Variants in SRGAP2 observed in about 807,000 individuals in gnomAD.
SRGAP2 encodes SLIT-ROBO Rho GTPase-activating protein 2.
A neutral mutation model predicts 57.2 loss-of-function variants in SRGAP2; 15 were observed. The ratio of observed to expected loss-of-function variants is 0.26; its 90% CI spans 0.18 to 0.40. SRGAP2 has a LOEUF of 0.40. SRGAP2 is among the 10% of genes least tolerant of loss of function. SRGAP2 has a pLI of 1.00. For missense variants in SRGAP2, 520 were observed against 669.6 expected, an observed-to-expected ratio of 0.78 and a Z score of 2.47; for synonymous variants, 249 against 248.0, an observed-to-expected ratio of 1.00 and a Z score of -0.04.
rs782814065 is a variant in SRGAP2 at position 206,458,818 on chromosome 1, C to T, written c.2703C>T (p.Leu901=). The T allele has an allele frequency of 1.3e-6, 1 of 780,774 alleles. No individual in the cohort carries two copies. Among genetic ancestry groups the T allele is most frequent in the Non-Finnish European group, 2.4e-6 (1 of 417,940 alleles). The allele number at this position is 780,774 out of a possible 1,614,324, so 48.4% of individuals were successfully genotyped here. The change falls in exon 22 of 23, where the codon CTC becomes CTT. Residue 901 remains leucine (L), a synonymous_variant. Transcript: ENST00000573034. ...DKCSISGHGS[L]NSISRHSSLK... is the part of the protein sequence containing the mutation. The stretch of plus-strand genomic sequence containing the variant: ...GTTCCATCAGTGGGCACGGGAGCCT[C>T]AACTCCATCAGCCGCCACTCATCCC...
intron 10 of SRGAP2, among the ~76,000 whole-genome samples, chr1:206,413,517 G>T (rs577622099): frequency 1.2e-4 from 19 of 152,340 alleles, no homozygotes; most frequent in Non-Finnish European, 2.6e-4. Context: ...AACAGATCAT[G>T]AATAAGGCAG....
intron 11 of SRGAP2, 71 bp from the exon 12 acceptor site, chr1:206,419,302 C>T (rs374499385): frequency 1.3e-4 from 103 of 774,738 alleles, no homozygotes; most frequent in Non-Finnish European, 2.1e-4. Flanking sequence ...ATGGTAGTTA[C>T]TAGGAGTGGG....
intron 13 of SRGAP2, among the ~76,000 whole-genome samples, chr1:206,421,595 C>G (rs782237726): frequency 2.0e-5 from 3 of 152,226 alleles, no homozygotes; most frequent in South Asian, 4.1e-4. Context: ...AGGCTTGACA[C>G]TTCCTACATT....
intron 2 of SRGAP2, among the ~76,000 whole-genome samples, chr1:206,264,089 AG>A (rs1283084091): frequency 1.3e-5 from 2 of 152,030 alleles, no homozygotes; most frequent in African/African-American, 4.8e-5. Flanking sequence ...GAATGATATT[AG>A]TTTGCTCTGC....
At chr1:206,428,273 T>A (rs59106220) in intron 13 of SRGAP2, among the ~76,000 whole-genome samples, 5,142 of 151,462 alleles carry the variant, frequency 0.034, 305 homozygotes, top group African/African-American at 0.12. Context: ...AAAAATTAGC[T>A]GGGCATAGTG....
Position 206,409,922 on chromosome 1 carries a change from A to C in SRGAP2, c.1356+3348A>C, listed in dbSNP as rs552503599. ...GAGACCAGCCTGATCAACATGGAGAAACCTCGTCTCTACTAAAAACACAAA... is the reference window on the plus strand; with the variant it reads ...GAGACCAGCCTGATCAACATGGAGACACCTCGTCTCTACTAAAAACACAAA... On this transcript the variant is annotated intron_variant, in intron 10 of 22. Coordinates refer to ENST00000573034, the MANE Select transcript of SRGAP2 (RefSeq NM_015326.5). Among the ~76,000 whole-genome samples, 352 of 150,630 alleles carry C rather than the reference A, an allele frequency of 2.3e-3. 1 individual carries two copies. Among genetic ancestry groups the C allele is most frequent in the Non-Finnish European group, 4.2e-3 (284 of 67,690 alleles).
rs545661337 is a variant in SRGAP2 at position 206,261,022 on chromosome 1, A to G, written c.68-42259A>G. On this transcript the variant is annotated intron_variant, in intron 2 of 22. Coordinates refer to ENST00000573034, the MANE Select transcript of SRGAP2 (RefSeq NM_015326.5). ...ACTGTTCTATCTCAGGTTTATTTCA[A>G]TAATAAAACCTTTGGAAATTTTAAT... is the stretch of plus-strand genomic sequence containing the variant. 2.6e-3 allele frequency among the ~76,000 whole-genome samples: 400 copies of G among 151,606 alleles called. 4 individuals are homozygous for G. Among genetic ancestry groups the G allele is most frequent in the African/African-American group, 9.2e-3 (380 of 41,340 alleles).
intron 2 of SRGAP2, among the ~76,000 whole-genome samples, chr1:206,247,470 G>A (rs1185321266): frequency 1.7e-4 from 26 of 152,002 alleles, no homozygotes; most frequent in African/African-American, 6.3e-4. Context: ...CCTCCATACT[G>A]TGGGGGTGTT....
In SRGAP2 at chr1:206,438,099, G is replaced by A; in HGVS notation, c.1768+1G>A. ...TTTCATGACCTGATGGCCTGCGTCA[G>A]TAAGTACCATTCTGGCTTCAGATTG... On this transcript the variant is annotated splice_donor_variant, in intron 16 of 22. Transcript: ENST00000573034. LOFTEE classifies it high-confidence loss of function. 1 of 780,684 alleles carries A rather than the reference G, an allele frequency of 1.3e-6. No individual in the cohort carries two copies. Among genetic ancestry groups the A allele is most frequent in the Non-Finnish European group, 2.4e-6 (1 of 417,882 alleles). 48.4% of individuals were successfully genotyped at this position (780,684 alleles called of 1,614,324 possible). A position where few individuals can be genotyped will look rare whatever the true frequency, so the allele number is the denominator to read the frequency against.
At chr1:206,221,452 G>A (rs1363069655) in intron 2 of SRGAP2, among the ~76,000 whole-genome samples, 2 of 152,036 alleles carry the variant, frequency 1.3e-5, no homozygotes, top group Non-Finnish European at 2.9e-5. Context: ...TCTGGTGAGG[G>A]CCTTCTTGCT....
In SRGAP2 at chr1:206,454,209, C is replaced by T; in HGVS notation, c.2361-669C>T. 2.8e-6 allele frequency: 2 copies of T among 702,446 alleles called. No individual in the cohort carries two copies. Among genetic ancestry groups the T allele is most frequent in the South Asian group, 3.0e-5 (2 of 67,540 alleles). 43.5% of individuals were successfully genotyped at this position (702,446 alleles called of 1,614,324 possible). A position where few individuals can be genotyped will look rare whatever the true frequency, so the allele number is the denominator to read the frequency against. ...CCGGCTCGTTCTGCAGGGAAATCCT[C>T]CCTCTGTTGATAGCATCGCAAACCT... On this transcript the variant is annotated intron_variant, in intron 20 of 22. Transcript: ENST00000573034. This position sits in a 1 kb window ranked among gnomAD's most constrained non-coding sequence, Gnocchi z 4.3.
At chr1:206,434,623 T>G (rs1484619194) in intron 14 of SRGAP2, among the ~76,000 whole-genome samples, 1 of 152,238 alleles carries the variant, frequency 6.6e-6, no homozygotes, top group Non-Finnish European at 1.5e-5. Context: ...TTATTAATGT[T>G]TCTGCTTCTA....
At position 206,461,703 on chromosome 1, in the gene SRGAP2, G is replaced by A; in HGVS notation, c.*283G>A. ...CAGGTTTTCATTATCAGGTCACTGT[G>A]AAATCTGGTAAGGCAGTCCTGAGGA... is the stretch of plus-strand genomic sequence containing the variant. On this transcript the variant is annotated 3_prime_UTR_variant, in exon 23 of 23. Coordinates refer to ENST00000573034, the MANE Select transcript of SRGAP2 (RefSeq NM_015326.5). 2.7e-6 allele frequency: 1 copy of A among 367,300 alleles called. No homozygotes were observed. The highest frequency in any genetic ancestry group is 4.9e-6 in the Non-Finnish European group (1 of 202,376). 22.8% of individuals were successfully genotyped at this position (367,300 alleles called of 1,614,324 possible).
At position 206,373,022 on chromosome 1, in the gene SRGAP2, T is replaced by TTTCC. The variant is rs1558359656; in HGVS notation, c.424-10989_424-10988insCTTC. Among the ~76,000 whole-genome samples the TTTCC allele has an allele frequency of 1.2e-3, 153 of 123,346 alleles. 1 individual carries two copies. Among genetic ancestry groups the TTTCC allele is most frequent in the Middle Eastern group, 3.9e-3 (1 of 258 alleles). 80.9% of individuals were successfully genotyped at this position (123,346 alleles called of 152,430 possible). On this transcript the variant is annotated intron_variant, in intron 4 of 22. Coordinates refer to ENST00000573034, the MANE Select transcript of SRGAP2 (RefSeq NM_015326.5). The stretch of plus-strand genomic sequence containing the variant: ...CTTTCTTTCTTTCTTTCTTTCTTTC[T>TTTCC]TTCTTTTCTTTCTCTCTCTCTCTCT...
At position 206,338,117 on chromosome 1, in the gene SRGAP2, C is replaced by T. The variant is rs202199188; in HGVS notation, c.261-4729C>T. On this transcript the variant is annotated intron_variant, in intron 3 of 22. Transcript: ENST00000573034. ...CTCCTTTCGACTCCAGAGTCATTCC[C>T]TCTCAAGTACAGTATGATGTTTTCT... is the stretch of plus-strand genomic sequence containing the variant. 7.4e-3 allele frequency among the ~76,000 whole-genome samples: 888 copies of T among 120,782 alleles called. 10 individuals carry two copies. Among genetic ancestry groups the T allele is most frequent in the Admixed American group, 0.039 (425 of 10,838 alleles). 79.2% of individuals were successfully genotyped at this position (120,782 alleles called of 152,430 possible).
chr1:206,428,485 A>G (rs1304565857), intron 13 of SRGAP2, among the ~76,000 whole-genome samples: 1 of 151,952 alleles, frequency 6.6e-6, no homozygotes, highest in Non-Finnish European at 1.5e-5. Flanking sequence ...AGTTTTGAGT[A>G]ATACTTGGTA....
At chr1:206,452,464 A>T (rs1429991647) in intron 19 of SRGAP2, among the ~76,000 whole-genome samples, 1 of 152,230 alleles carries the variant, frequency 6.6e-6, no homozygotes, top group Admixed American at 6.5e-5. Context: ...AATGTATGAT[A>T]CATTTTCTAC....
At chr1:206,373,894 C>T (rs1484762853) in intron 4 of SRGAP2, among the ~76,000 whole-genome samples, 4 of 151,078 alleles carry the variant, frequency 2.6e-5, no homozygotes, top group Admixed American at 6.6e-5. Context: ...ACACCTGTCT[C>T]AGTGAATGAT....
chr1:206,262,990 G>T (rs1407257765), intron 2 of SRGAP2, among the ~76,000 whole-genome samples: 1 of 139,356 alleles, frequency 7.2e-6, no homozygotes, highest in Admixed American at 7.2e-5. Context: ...AATACAGAGC[G>T]TACCTGAATC....
Sources: gnomAD v4.1 joint callset for allele counts (sites outside exome capture counted in the v4.1 genomes callset) on GRCh38, gnomAD v4.1.1 for gene constraint, Gnocchi (gnomAD v3.1) non-coding constraint, MANE v1.5 for transcripts, NCBI Gene and HGNC (gene_info 2026-07-23, HGNC 2026-07-21) for gene names.